The following NALF1 variants were observed in gnomAD, a reference collection of about 807,000 sequenced individuals.
NALF1 encodes family with sequence similarity 155 member A.
NALF1 carries 3 observed loss-of-function variants against 48.4 expected under a neutral mutation model. The ratio of observed to expected loss-of-function variants is 0.06; its 90% CI spans 0.03 to 0.16. The LOEUF (loss-of-function observed/expected upper bound fraction) is 0.16, where lower values mean the gene tolerates loss of function less well. Ranked by LOEUF, NALF1 falls within the 10% of genes least tolerant of loss-of-function variation. The probability of loss-of-function intolerance (pLI) is 1.00; values close to 1 mark genes in which losing one functional copy is unlikely to be tolerated. For synonymous variants in NALF1, 262 were observed against 245.7 expected, an observed-to-expected ratio of 1.07 and a Z score of -0.62; for missense variants, 526 against 571.5, an observed-to-expected ratio of 0.92 and a Z score of 0.81.
chr13:107,665,355 C>T (rs9587423), intron 1 of NALF1, among the ~76,000 whole-genome samples: 85,041 of 151,982 alleles, frequency 0.56, 24,515 homozygotes, highest in Middle Eastern at 0.71. Context: ...CAATAGACAA[C>T]AGAAGACTTA....
rs79023974 is a variant in NALF1, at chr13:107,614,110, A to G, written c.915+251572T>C. Among the ~76,000 whole-genome samples, 3,274 of 152,336 alleles carry G rather than the reference A, an allele frequency of 0.021. 205 individuals are homozygous for G. In the East Asian group the frequency reaches 0.23, roughly 11 times the overall value. The stretch of plus-strand genomic sequence containing the variant: ...GATTTGAGAGGAGGAGTTTAACGCC[A>G]GATGTTAGATGACTTTGAGTATGGG... On this transcript the variant is annotated intron_variant, in intron 1 of 2. Coordinates refer to ENST00000375915, the MANE Select transcript of NALF1 (RefSeq NM_001080396.3).
intron 1 of NALF1, among the ~76,000 whole-genome samples, chr13:107,678,156 C>T (rs1307293775): frequency 6.6e-6 from 1 of 152,148 alleles, no homozygotes; most frequent in Non-Finnish European, 1.5e-5. Context: ...AAGTCAGTGA[C>T]CTTCTTTGAA....
chr13:107,757,327 T>C (rs1877129646), intron 1 of NALF1, among the ~76,000 whole-genome samples: 1 of 152,034 alleles, frequency 6.6e-6, no homozygotes, highest in African/African-American at 2.4e-5. Context: ...ATATTGGACA[T>C]TATTTTGGAG....
chr13:107,483,734 T>G (rs1885287341), intron 1 of NALF1, among the ~76,000 whole-genome samples: 1 of 152,068 alleles, frequency 6.6e-6, no homozygotes, highest in Admixed American at 6.6e-5. Context: ...ATTTAATCTC[T>G]TACACTTGTG....
intron 1 of NALF1, among the ~76,000 whole-genome samples, chr13:107,350,802 C>T (rs964427010): frequency 1.3e-5 from 2 of 152,180 alleles, no homozygotes; most frequent in African/African-American, 4.8e-5. Flanking sequence ...ACTGCTGGCC[C>T]CAGCTCCAGA....
chr13:107,317,768 G>A (rs1882178436), intron 1 of NALF1, among the ~76,000 whole-genome samples: 1 of 151,700 alleles, frequency 6.6e-6, no homozygotes, highest in Admixed American at 6.6e-5. Context: ...AAGATATCTG[G>A]GAGTTATCCA....
intron 1 of NALF1, among the ~76,000 whole-genome samples, chr13:107,495,226 C>T (rs1875289695): frequency 6.6e-6 from 1 of 151,502 alleles, no homozygotes; most frequent in South Asian, 2.1e-4. Flanking sequence ...TCAGATACTA[C>T]AAACAATTGT....
intron 1 of NALF1, among the ~76,000 whole-genome samples, chr13:107,342,550 A>T (rs935403202): frequency 6.6e-6 from 1 of 152,182 alleles, no homozygotes; most frequent in Non-Finnish European, 1.5e-5. Flanking sequence ...ACAACGATGA[A>T]CAGCCTTATT....
intron 1 of NALF1, among the ~76,000 whole-genome samples, chr13:107,636,380 C>A (rs951951174): frequency 2.0e-5 from 3 of 152,146 alleles, no homozygotes. Flanking sequence ...GGTACCAATA[C>A]TATAGAACTC....
intron 1 of NALF1, among the ~76,000 whole-genome samples, chr13:107,480,827 G>T (rs1000433288): frequency 2.0e-5 from 3 of 152,112 alleles, no homozygotes; most frequent in Admixed American, 1.3e-4. Context: ...AAGCTCGAAC[G>T]AAGCAATAAT....
chr13:107,710,354 T>C (rs1344973456), intron 1 of NALF1, among the ~76,000 whole-genome samples: 11 of 151,914 alleles, frequency 7.2e-5, no homozygotes, highest in Non-Finnish European at 1.5e-4. Context: ...TATACCATCA[T>C]CATCACCACA....
chr13:107,237,110 T>G (rs1184667707), intron 1 of NALF1, among the ~76,000 whole-genome samples: 1 of 151,370 alleles, frequency 6.6e-6, no homozygotes, highest in East Asian at 1.9e-4. Flanking sequence ...TTTTTTCTGT[T>G]TTTGATTATA....
intron 1 of NALF1, among the ~76,000 whole-genome samples, chr13:107,282,806 G>A (rs1034495814): frequency 1.3e-5 from 2 of 152,216 alleles, no homozygotes; most frequent in Admixed American, 6.5e-5. Context: ...CAGGAGAGAT[G>A]CTGTGCCTGT....
At chr13:107,501,981 C>T (rs1249838732) in intron 1 of NALF1, among the ~76,000 whole-genome samples, 2 of 152,056 alleles carry the variant, frequency 1.3e-5, no homozygotes, top group African/African-American at 2.4e-5. Context: ...TTGTCATTTG[C>T]AGATAATATT....
At chr13:107,253,710 G>A (rs1462314934) in intron 1 of NALF1, among the ~76,000 whole-genome samples, 2 of 151,988 alleles carry the variant, frequency 1.3e-5, no homozygotes, top group African/African-American at 2.4e-5. Context: ...CCAGCCACAC[G>A]GGTCTTCTCG....
chr13:107,594,732 TTTTC>T (rs1255657136), intron 1 of NALF1, among the ~76,000 whole-genome samples: 2 of 152,124 alleles, frequency 1.3e-5, no homozygotes, highest in Non-Finnish European at 2.9e-5. Flanking sequence ...ACTGTGACAA[TTTTC>T]TTTATTAGTG....
At chr13:107,840,489 C>T (rs1016067957) in intron 1 of NALF1, among the ~76,000 whole-genome samples, 5 of 152,164 alleles carry the variant, frequency 3.3e-5, no homozygotes, top group African/African-American at 4.8e-5. Flanking sequence ...CTGAACATTA[C>T]ACTTGCATTT....
intron 1 of NALF1, among the ~76,000 whole-genome samples, chr13:107,408,280 C>T (rs575562399): frequency 4.1e-4 from 62 of 152,068 alleles, no homozygotes; most frequent in African/African-American, 1.5e-3. Context: ...TAAAAGTATA[C>T]AATTGGATTA....
In NALF1 at chr13:107,349,464, C is replaced by T. The variant is rs370809240; in HGVS notation, c.916-138709G>A. On this transcript the variant is annotated intron_variant, in intron 1 of 2. Transcript: ENST00000375915. ...TGAGAGGAGATAAGAAACTGAGGGC[C>T]GGGTGCAGTGGCTCACACCTGTAAT... Among the ~76,000 whole-genome samples, 34 of 152,104 alleles carry T rather than the reference C, an allele frequency of 2.2e-4. No individual in the cohort carries two copies. The East Asian group carries it at 4.3e-3, about 19-fold the overall frequency.
Sources: allele counts gnomAD v4.1 joint callset (sites outside exome capture counted in the v4.1 genomes callset), GRCh38; gene constraint gnomAD v4.1.1; transcripts MANE v1.5; gene names NCBI Gene and HGNC (gene_info 2026-07-23, HGNC 2026-07-21).